ZFP36L1: variants seen among roughly 807,000 people sequenced by gnomAD.
The protein encoded by ZFP36L1 is ZFP36 like 1 zinc finger CCCH-type, also known as mRNA decay activator protein ZFP36L1.
In ZFP36L1, 4 loss-of-function variants were observed where a neutral mutation model predicts 16.7. The observed-to-expected ratio is 0.24, with a 90% confidence interval of 0.12 to 0.55. The LOEUF is 0.55. Ranked by LOEUF, ZFP36L1 falls within the 20% of genes least tolerant of loss-of-function variation. The pLI, the probability that ZFP36L1 is intolerant of heterozygous loss-of-function variation, is 0.94. For missense variants in ZFP36L1, 311 were observed against 449.2 expected, an observed-to-expected ratio of 0.69 and a Z score of 2.78; for synonymous variants, 220 against 190.8, an observed-to-expected ratio of 1.15 and a Z score of -1.26.
At chr14:68,794,025 T>G, upstream of ZFP36L1, 5 of 795,706 alleles carry the variant, frequency 6.3e-6, no homozygotes, top group African/African-American at 1.9e-5. Context: ...ATCTTTAAAC[T>G]TTTTAGTCAA....
At chr14:68,795,608 G>A (rs532597929), upstream of ZFP36L1, among the ~76,000 whole-genome samples, 7 of 152,244 alleles carry the variant, frequency 4.6e-5, no homozygotes, top group East Asian at 1.2e-3. Context: ...GAATTTCCTC[G>A]GCTTTTCCAA....
rs1895024869 is a variant in ZFP36L1, at chr14:68,790,004, G to C, written c.546C>G (p.Arg182=). 4 of 1,608,402 alleles carry C rather than the reference G, an allele frequency of 2.5e-6. No homozygotes were observed. Among genetic ancestry groups the C allele is most frequent in the Non-Finnish European group, 1.7e-6 (2 of 1,177,922 alleles). ...GGTCCCGGGCCCCGGCCAGGGCACG[G>C]CGCTCTTCAGCGTTGTGGATGAAGT... ...RCHFIHNAEE[R]RALAGARDLS... The change falls in exon 2 of 2, where the codon CGC becomes CGG. Residue 182 remains arginine, a synonymous_variant. Transcript: ENST00000439696.
At chr14:68,791,944 T>C (rs565325010) in intron 1 of ZFP36L1, among the ~76,000 whole-genome samples, 1 of 152,170 alleles carries the variant, frequency 6.6e-6, no homozygotes, top group African/African-American at 2.4e-5. Context: ...GGCAAAACAC[T>C]TCAGCAATTA....
chr14:68,793,486 G>A (rs1895166721), upstream of ZFP36L1: 2 of 987,426 alleles, frequency 2.0e-6, no homozygotes, highest in African/African-American at 3.5e-5. Context: ...CACTCCCTCC[G>A]GGGTTCTTGT....
chr14:68,795,651 G>T, upstream of ZFP36L1: 1 of 393,558 alleles, frequency 2.5e-6, no homozygotes, highest in African/African-American at 2.1e-5. Context: ...CCTCTCCCCG[G>T]GGGCGCGGGC....
Position 68,789,787 on chromosome 14 carries a change from TGGA to T in ZFP36L1, c.760_762del (p.Ser255del). On this transcript the variant is annotated inframe_deletion, in exon 2 of 2. Coordinates refer to ENST00000439696, the MANE Select transcript of ZFP36L1 (RefSeq NM_004926.4). The surrounding 1 kb of genome is among the most constrained non-coding windows in gnomAD (Gnocchi z 4.5). ...GCAAAGAGGCTTGCCAGCTCCTGGC[TGGA>T]GAAGGCAAAAGGGTTATTGGTGCCA... 6.2e-7 allele frequency: 1 copy of T among 1,613,552 alleles called. No individual in the cohort carries two copies. The highest frequency in any genetic ancestry group is 8.5e-7 in the Non-Finnish European group (1 of 1,179,950).
At chr14:68,791,158 G>A (rs911504230) in intron 1 of ZFP36L1, 1 of 674,730 alleles carries the variant, frequency 1.5e-6, no homozygotes, top group Admixed American at 2.2e-5. Flanking sequence ...TCCCGGAAGA[G>A]ATATTTTCTA....
chr14:68,795,809 TC>T (rs746270195), upstream of ZFP36L1: 3 of 536,310 alleles, frequency 5.6e-6, no homozygotes, highest in Non-Finnish European at 1.1e-5. Flanking sequence ...TCGGGGACTT[TC>T]CAAGGGTGAG....
intron 1 of ZFP36L1, chr14:68,791,213 C>A: frequency 3.4e-6 from 2 of 580,064 alleles, no homozygotes; most frequent in South Asian, 2.1e-5. Flanking sequence ...GCCCACCCCG[C>A]CCCCTTCACT....
upstream of ZFP36L1, chr14:68,795,642 C>A: frequency 2.6e-6 from 1 of 384,538 alleles, no homozygotes; most frequent in East Asian, 7.4e-5. Context: ...TCCCCTCCCC[C>A]TCTCCCCGGG....
rs763860097 is a variant in ZFP36L1 at position 68,790,257 on chromosome 14, A to T, written c.293T>A (p.Leu98Gln). The change falls in exon 2 of 2, where the codon CTG (leucine) becomes CAG (glutamine). Residue 98 changes from leucine to glutamine, a missense_variant. Coordinates refer to ENST00000439696, the MANE Select transcript of ZFP36L1 (RefSeq NM_004926.4). ...DRSFSEGGER[L>Q]LPTQKQPGGG... ...CCCGGGCTGCTTCTGGGTGGGCAGC[A>T]GCCGCTCGCCCCCTTCCGAGAAGGA... The T allele has an allele frequency of 1.9e-6, 3 of 1,610,988 alleles. No individual in the cohort carries two copies. Among genetic ancestry groups the T allele is most frequent in the Non-Finnish European group, 2.5e-6 (3 of 1,179,866 alleles).
In ZFP36L1 at chr14:68,789,907, C is replaced by T. The variant is rs1331469997; in HGVS notation, c.643G>A (p.Ala215Thr). Residue 215 changes from alanine (A) to threonine (T), a missense_variant, in exon 2 of 2, where the codon GCT (alanine) becomes ACT (threonine). Physicochemically the swap from Ala to Thr is moderately conservative, Grantham distance 58. This residue lies in a region of ZFP36L1 where 147 missense variants were observed against 192.0 expected (regional missense o/e 0.77). Transcript: ENST00000439696. This position sits in a 1 kb window ranked among gnomAD's most constrained non-coding sequence, Gnocchi z 4.5. Reference protein sequence around the residue: ...AGFPSAAATAAATGLLDSPTS... With the variant: ...AGFPSAAATATATGLLDSPTS... ...GGGCTGTCCAGCAGCCCGGTGGCAG[C>T]GGCGGTGGCAGCGGCACTGGGAAAC... 2.5e-6 allele frequency: 4 copies of T among 1,608,906 alleles called. No individual in the cohort carries two copies.
rs959234893 is a variant in ZFP36L1, at chr14:68,788,594, T to C, written c.*939A>G. ...TACCATTAACTGCTCACCCCTTACTTTTTTTTTTTTAGCTTTTCTCTCATT... is the reference window on the plus strand; with the variant it reads ...TACCATTAACTGCTCACCCCTTACTCTTTTTTTTTTAGCTTTTCTCTCATT... On this transcript the variant is annotated 3_prime_UTR_variant, in exon 2 of 2. Coordinates refer to ENST00000439696, the MANE Select transcript of ZFP36L1 (RefSeq NM_004926.4). The C allele has an allele frequency of 1.4e-5, 2 of 147,632 alleles. No homozygotes were observed. Among genetic ancestry groups the C allele is most frequent in the South Asian group, 2.2e-4 (1 of 4,650 alleles). The allele number at this position is 147,632 out of a possible 1,614,324, so 9.1% of individuals were successfully genotyped here.
At chr14:68,795,004 C>T (rs931715049), upstream of ZFP36L1, among the ~76,000 whole-genome samples, 2 of 152,120 alleles carry the variant, frequency 1.3e-5, no homozygotes, top group Non-Finnish European at 2.9e-5. Flanking sequence ...TTCCCTCCCC[C>T]GCTCCCATTT....
chr14:68,791,064 T>C lies in ZFP36L1; in HGVS notation c.58-572A>G, dbSNP rs76717297. 1.6e-3 allele frequency: 1,103 copies of C among 702,252 alleles called. 9 individuals carry two copies. The African/African-American group carries it at 0.017, about 11-fold the overall frequency. The allele number at this position is 702,252 out of a possible 1,614,324, so 43.5% of individuals were successfully genotyped here. A position where few individuals can be genotyped will look rare whatever the true frequency, so the allele number is the denominator to read the frequency against. ...GTTTTCAGACTGCCTTTGCTTTTTCTTGTGGGGAGGAGATTGGGGGCCTGG... is the reference window on the plus strand; with the variant it reads ...GTTTTCAGACTGCCTTTGCTTTTTCCTGTGGGGAGGAGATTGGGGGCCTGG... On this transcript the variant is annotated intron_variant, in intron 1 of 1. Transcript: ENST00000439696.
upstream of ZFP36L1, chr14:68,793,717 T>G (rs1302490043): frequency 1.0e-6 from 1 of 985,380 alleles, no homozygotes; most frequent in Non-Finnish European, 1.2e-6. Context: ...ACATTAGAAA[T>G]TTGGGACGCA....
chr14:68,791,291 A>C, intron 1 of ZFP36L1: 1 of 526,894 alleles, frequency 1.9e-6, no homozygotes, highest in Non-Finnish European at 3.4e-6. Context: ...CCAGTGTTTA[A>C]TCTTTAACGC....
chr14:68,793,317 CTTT>C, upstream of ZFP36L1: 2 of 918,694 alleles, frequency 2.2e-6, no homozygotes, highest in Admixed American at 6.1e-5. Context: ...CCGCGCACAA[CTTT>C]TTTTTTTTTT....
At chr14:68,793,199 TGC>T, upstream of ZFP36L1, 1 of 822,216 alleles carries the variant, frequency 1.2e-6, no homozygotes. Flanking sequence ...GAATCAGCCA[TGC>T]GGTCAGGCGG....
Sources: gnomAD v4.1 joint callset for allele counts (sites outside exome capture counted in the v4.1 genomes callset) on GRCh38, gnomAD v4.1.1 for gene constraint, gnomAD v4.1.1 regional missense constraint, Gnocchi (gnomAD v3.1) non-coding constraint, MANE v1.5 for transcripts, NCBI Gene and HGNC (gene_info 2026-07-23, HGNC 2026-07-21) for gene names.